The following SCAPER variants were observed in gnomAD, a reference collection of about 807,000 sequenced individuals.
SCAPER encodes the protein S-phase cyclin A associated protein in the ER.
A neutral mutation model predicts 182.2 loss-of-function variants in SCAPER; 98 were observed. That is an observed-to-expected ratio of 0.54 (90% CI 0.46 to 0.64). The LOEUF is 0.64. Among genes scored for constraint, SCAPER ranks in the 30% least tolerant of loss-of-function variants. The pLI, the probability that SCAPER is intolerant of heterozygous loss-of-function variation, is 0.00. For missense variants in SCAPER, 1,432 were observed against 1,690.0 expected (o/e 0.85, Z 2.68); for synonymous variants, 605 against 564.6 (o/e 1.07, Z -1.01).
At chr15:76,432,028 C>A (rs1364841963) in intron 26 of SCAPER, among the ~76,000 whole-genome samples, 2 of 152,100 alleles carry the variant, frequency 1.3e-5, no homozygotes, top group Admixed American at 6.6e-5. Flanking sequence ...TACGTATTTC[C>A]CCCTGGAAGG....
At chr15:76,476,813 T>G (rs1293442624) in intron 24 of SCAPER, among the ~76,000 whole-genome samples, 2 of 152,076 alleles carry the variant, frequency 1.3e-5, no homozygotes, top group Non-Finnish European at 2.9e-5. Flanking sequence ...ATACTTAAAC[T>G]GAGAAATACT....
chr15:76,422,676 G>C (rs1168439419), intron 26 of SCAPER, among the ~76,000 whole-genome samples: 1 of 151,380 alleles, frequency 6.6e-6, no homozygotes, highest in Non-Finnish European at 1.5e-5. Flanking sequence ...AGTGGTGAGA[G>C]GGGGCATCCC....
intron 23 of SCAPER, 147 bp downstream of exon 23, chr15:76,574,011 T>TAAA: frequency 9.0e-6 from 6 of 670,388 alleles, no homozygotes; most frequent in African/African-American, 5.9e-5. Context: ...AGAACAAAAG[T>TAAA]AAAAAAAAAA....
intron 8 of SCAPER, among the ~76,000 whole-genome samples, chr15:76,775,824 A>T (rs941147242): frequency 5.3e-5 from 8 of 151,486 alleles, no homozygotes; most frequent in African/African-American, 7.3e-5. Flanking sequence ...AAAATAGCCT[A>T]AAAAAAATCA....
chr15:76,615,288 T>C (rs1029680291), intron 22 of SCAPER, among the ~76,000 whole-genome samples: 1 of 151,370 alleles, frequency 6.6e-6, no homozygotes, highest in Non-Finnish European at 1.5e-5. Context: ...CTACAAAAAA[T>C]TACAAAAATT....
intron 23 of SCAPER, among the ~76,000 whole-genome samples, chr15:76,532,950 C>A (rs933777017): frequency 2.6e-5 from 4 of 152,146 alleles, no homozygotes; most frequent in Admixed American, 1.3e-4. Flanking sequence ...CTACTATATG[C>A]AGAACACTGC....
rs78921605 is a variant in SCAPER at position 76,687,433 on chromosome 15, A to T, written c.2508+14325T>A. ...ATCAAAGAATAGTCCTCATATTGGC[A>T]ACATATACTCTTTTTTAAAATTATT... On this transcript the variant is annotated intron_variant, in intron 20 of 31. Transcript: ENST00000563290. Among the ~76,000 whole-genome samples the T allele has an allele frequency of 4.0e-3, 616 of 152,278 alleles. 4 individuals are homozygous for T. Among genetic ancestry groups the T allele is most frequent in the Non-Finnish European group, 3.8e-3 (258 of 68,000 alleles).
At chr15:76,745,009 G>A (rs2061722470) in intron 15 of SCAPER, among the ~76,000 whole-genome samples, 1 of 152,174 alleles carries the variant, frequency 6.6e-6, no homozygotes, top group Non-Finnish European at 1.5e-5. Context: ...AGATGGAACT[G>A]AAGGCCATAA....
At chr15:76,657,714 C>T (rs1362463710) in intron 21 of SCAPER, among the ~76,000 whole-genome samples, 1 of 151,840 alleles carries the variant, frequency 6.6e-6, no homozygotes, top group African/African-American at 2.4e-5. Context: ...AAAAACTAAC[C>T]CACTATGATC....
chr15:76,395,285 T>C lies in SCAPER; in HGVS notation c.3467+9239A>G, dbSNP rs921309398. Among the ~76,000 whole-genome samples, 41 of 152,218 alleles carry C rather than the reference T, an allele frequency of 2.7e-4. 1 individual carries two copies. Among genetic ancestry groups the C allele is most frequent in the Non-Finnish European group, 1.5e-5 (1 of 68,040 alleles). ...TAGGCTGCTTTCAAATCTTGGCTATTGGGAACAGTGCTGCAACAAACATGG... is the reference window on the plus strand; with the variant it reads ...TAGGCTGCTTTCAAATCTTGGCTATCGGGAACAGTGCTGCAACAAACATGG... On this transcript the variant is annotated intron_variant, in intron 27 of 31. Coordinates refer to ENST00000563290, the MANE Select transcript of SCAPER (RefSeq NM_020843.4).
At chr15:76,381,756 G>A in intron 27 of SCAPER, 141 bp from the exon 28 acceptor site, 1 of 686,794 alleles carries the variant, frequency 1.5e-6, no homozygotes, top group South Asian at 2.0e-5. Context: ...AAACTTCAAG[G>A]AATAAATGCA....
chr15:76,778,095 T>C (rs1279901175), intron 8 of SCAPER, among the ~76,000 whole-genome samples: 1 of 152,196 alleles, frequency 6.6e-6, no homozygotes, highest in Admixed American at 6.5e-5. Context: ...ATTGAATGCA[T>C]ATTGCTATCA....
chr15:76,388,671 A>G (rs1316444625), intron 27 of SCAPER, among the ~76,000 whole-genome samples: 1 of 152,140 alleles, frequency 6.6e-6, no homozygotes, highest in Non-Finnish European at 1.5e-5. Context: ...TGAAAATTAC[A>G]GTCAGTCGGC....
chr15:76,401,878 G>A (rs1025467162), intron 27 of SCAPER, among the ~76,000 whole-genome samples: 1 of 152,212 alleles, frequency 6.6e-6, no homozygotes, highest in African/African-American at 2.4e-5. Flanking sequence ...GGCGCGCCCA[G>A]CACTTTGGGA....
intron 5 of SCAPER, among the ~76,000 whole-genome samples, chr15:76,805,100 C>G (rs940511536): frequency 2.6e-5 from 4 of 152,056 alleles, no homozygotes; most frequent in African/African-American, 4.8e-5. Flanking sequence ...CACCTGGTAG[C>G]GTGTATCAGT....
intron 17 of SCAPER, among the ~76,000 whole-genome samples, chr15:76,709,858 T>A (rs1387941072): frequency 6.6e-6 from 1 of 152,204 alleles, no homozygotes; most frequent in Non-Finnish European, 1.5e-5. Context: ...TGCAAGGTTA[T>A]CTTAATATCC....
intron 25 of SCAPER, among the ~76,000 whole-genome samples, chr15:76,434,627 TGTAA>T (rs1221653983): frequency 6.6e-6 from 1 of 152,222 alleles, no homozygotes; most frequent in Non-Finnish European, 1.5e-5. Flanking sequence ...ACAGGCATGC[TGTAA>T]GTATTCAATA....
chr15:76,757,422 T>C (rs1454907233), intron 14 of SCAPER, among the ~76,000 whole-genome samples: 1 of 151,538 alleles, frequency 6.6e-6, no homozygotes, highest in African/African-American at 2.4e-5. Context: ...AATTTCATTC[T>C]TCTTAAGGCT....
chr15:76,854,803 C>A (rs868430725), intron 4 of SCAPER, among the ~76,000 whole-genome samples: 127 of 118,224 alleles, frequency 1.1e-3, no homozygotes, highest in East Asian at 2.2e-3. Context: ...ACTAAAAATA[C>A]AAAAAAAAAA....
Sources: gnomAD v4.1 joint callset for allele counts (sites outside exome capture counted in the v4.1 genomes callset) on GRCh38, gnomAD v4.1.1 for gene constraint, MANE v1.5 for transcripts, NCBI Gene and HGNC (gene_info 2026-07-23, HGNC 2026-07-21) for gene names.